Variants in TMC6 observed in about 807,000 individuals in gnomAD.
TMC6 encodes the protein transmembrane channel like 6, also known as transmembrane channel-like protein 6.
TMC6 carries 71 observed loss-of-function variants against 95.4 expected under a neutral mutation model. The ratio of observed to expected loss-of-function variants is 0.74; its 90% confidence interval spans 0.61 to 0.91. The LOEUF is 0.91. Among genes scored for constraint, TMC6 ranks in the 40% least tolerant of loss-of-function variants. TMC6 has a pLI of 0.00. For synonymous variants in TMC6, 514 were observed against 483.1 expected, an observed-to-expected ratio of 1.06 and a Z score of -0.84; for missense variants, 1,074 against 1,079.1, an observed-to-expected ratio of 1.00 and a Z score of 0.07.
chr17:78,129,126 C>G (rs545663751), upstream of TMC6, among the ~76,000 whole-genome samples: 12,333 of 151,230 alleles, frequency 0.082, 561 homozygotes, highest in Middle Eastern at 0.13. This position sits in a 1 kb window ranked among gnomAD's most constrained non-coding sequence, Gnocchi z 4.3. Flanking sequence ...GCCCCCCCCC[C>G]CGCCGCCCCC....
chr17:78,124,297 G>A (rs2074583342), intron 8 of TMC6, 118 bp from the exon 9 acceptor site: 4 of 1,421,380 alleles, frequency 2.8e-6, no homozygotes, highest in Non-Finnish European at 3.8e-6. Flanking sequence ...GAGGGAAACA[G>A]GGAGGGGCCT....
chr17:78,131,403 C>G, upstream of TMC6: 2 of 777,854 alleles, frequency 2.6e-6, no homozygotes, highest in African/African-American at 1.7e-5. Flanking sequence ...GCGGCAGACC[C>G]GGGCAAGTGA....
At chr17:78,124,399 G>C in intron 8 of TMC6, 125 bp downstream of exon 8, 1 of 1,489,770 alleles carries the variant, frequency 6.7e-7, no homozygotes, top group Non-Finnish European at 9.1e-7. Flanking sequence ...AGCTGGCTGT[G>C]GCCACCTGGA....
At position 78,122,994 on chromosome 17, in the gene TMC6, T is replaced by C; in HGVS notation, c.1083-245A>G. The C allele has an allele frequency of 1.7e-6, 1 of 594,950 alleles. No individual in the cohort carries two copies. The highest frequency in any genetic ancestry group is 1.9e-5 in the South Asian group (1 of 51,530). 36.9% of individuals were successfully genotyped at this position (594,950 alleles called of 1,614,324 possible). Reference sequence around the variant, plus strand: ...GGGCAGGGCTGCATTCACCGCGGACTTGGCTGGCTGCCTCCCAGCGAGACA... The same window carrying C: ...GGGCAGGGCTGCATTCACCGCGGACCTGGCTGGCTGCCTCCCAGCGAGACA... On this transcript the variant is annotated intron_variant, in intron 9 of 19. Transcript: ENST00000590602. The surrounding 1 kb of genome is among the most constrained non-coding windows in gnomAD (Gnocchi z 4.9).
At chr17:78,116,938 G>C (rs1023422818) in intron 18 of TMC6, among the ~76,000 whole-genome samples, 5 of 152,186 alleles carry the variant, frequency 3.3e-5, no homozygotes, top group African/African-American at 7.2e-5. Flanking sequence ...TGTAAAATGA[G>C]TGAAGAGTCC....
In TMC6 at chr17:78,122,617, G is replaced by A. The variant is rs926107375; in HGVS notation, c.1215C>T (p.Arg405=). 1.2e-6 allele frequency: 2 copies of A among 1,610,944 alleles called. No homozygotes were observed. Among genetic ancestry groups the A allele is most frequent in the African/African-American group, 1.3e-5 (1 of 75,056 alleles). The stretch of plus-strand genomic sequence containing the variant: ...CGGGGCCACTCACCTTCAGCCGGGT[G>A]CGAATATTGTCCTGCTGGAGGCGGG... The part of the protein sequence containing the change: ...RASRLQQDNI[R]TRLKELLAEW... Residue 405 remains arginine (R), a synonymous_variant, in exon 10 of 20, where the codon CGC becomes CGT. Coordinates refer to ENST00000590602, the MANE Select transcript of TMC6 (RefSeq NM_001127198.5). This position sits in a 1 kb window ranked among gnomAD's most constrained non-coding sequence, Gnocchi z 4.9.
At position 78,121,670 on chromosome 17, in the gene TMC6, G is replaced by A. The variant is rs768939571; in HGVS notation, c.1269C>T (p.Ser423=). The change falls in exon 11 of 20, where the codon AGC becomes AGT. Residue 423 remains serine, a synonymous_variant. Transcript: ENST00000590602. The surrounding 1 kb of genome is among the most constrained non-coding windows in gnomAD (Gnocchi z 5.6). ...CCGCCTGCCGCAGCCTCCCGCACAC[G>A]CTCCTGGGGCTGTGCCGCAGCTGCC... is the stretch of plus-strand genomic sequence containing the variant. ...AEWQLRHSPR[S]VCGRLRQAAV... is the part of the protein sequence containing the mutation. 1.2e-5 allele frequency: 19 copies of A among 1,596,144 alleles called. No homozygotes were observed. Among genetic ancestry groups the A allele is most frequent in the Middle Eastern group, 1.6e-4 (1 of 6,068 alleles).
chr17:78,121,267 C>T lies in TMC6; in HGVS notation c.1384-103G>A. On this transcript the variant is annotated intron_variant, in intron 11 of 19. Coordinates refer to ENST00000590602, the MANE Select transcript of TMC6 (RefSeq NM_001127198.5). The surrounding 1 kb of genome is among the most constrained non-coding windows in gnomAD (Gnocchi z 5.6). ...GGTGGAACTGGCAGGTAGCACCTCC[C>T]TCCTCCAAGATCTGGCCCTCCCCAG... 2.6e-6 allele frequency: 4 copies of T among 1,512,914 alleles called. No homozygotes were observed. Among genetic ancestry groups the T allele is most frequent in the African/African-American group, 1.4e-5 (1 of 72,574 alleles). 93.7% of individuals were successfully genotyped at this position (1,512,914 alleles called of 1,614,324 possible). A position where few individuals can be genotyped will look rare whatever the true frequency, so the allele number is the denominator to read the frequency against.
Position 78,110,488 on chromosome 17 carries a change from C to T in TMC6, c.*2660G>A, listed in dbSNP as rs2073803917. On this transcript the variant is annotated 3_prime_UTR_variant, in exon 20 of 20. Transcript: ENST00000590602. ...CTCTGAAAAAGCAAATAAACCGAAACTCTTGGGCTCAAGCAATCCTCCGCC... is the reference window on the plus strand; with the variant it reads ...CTCTGAAAAAGCAAATAAACCGAAATTCTTGGGCTCAAGCAATCCTCCGCC... 6.6e-6 allele frequency: 1 copy of T among 152,168 alleles called. No homozygotes were observed. Among genetic ancestry groups the T allele is most frequent in the Non-Finnish European group, 1.5e-5 (1 of 68,046 alleles). 9.4% of individuals were successfully genotyped at this position (152,168 alleles called of 1,614,324 possible).
Position 78,117,453 on chromosome 17 carries a change from A to C in TMC6, c.2198+15T>G, listed in dbSNP as rs1352625483. 1.9e-6 allele frequency: 3 copies of C among 1,609,994 alleles called. No homozygotes were observed. The highest frequency in any genetic ancestry group is 2.5e-6 in the Non-Finnish European group (3 of 1,179,182). On this transcript the variant is annotated intron_variant, in intron 17 of 19. Coordinates refer to ENST00000590602, the MANE Select transcript of TMC6 (RefSeq NM_001127198.5). ...GGGCCATCTCCCCAGGGCCGCCCCCACCTGCGGGACTCACAGCAGCAGGGC... is the reference window on the plus strand; with the variant it reads ...GGGCCATCTCCCCAGGGCCGCCCCCCCCTGCGGGACTCACAGCAGCAGGGC...
chr17:78,109,297 G>C lies in TMC6; in HGVS notation c.*3851C>G, dbSNP rs1295889185. On this transcript the variant is annotated 3_prime_UTR_variant, in exon 20 of 20. Coordinates refer to ENST00000590602, the MANE Select transcript of TMC6 (RefSeq NM_001127198.5). ...GTGTTCAGTGAAGAGGGAAAACAGA[G>C]ACAGTGGGGCATCCCGAGAAGATCC... is the stretch of plus-strand genomic sequence containing the variant. 2.7e-6 allele frequency: 1 copy of C among 367,378 alleles called. No individual in the cohort carries two copies. Among genetic ancestry groups the C allele is most frequent in the African/African-American group, 2.1e-5 (1 of 47,026 alleles). The allele number at this position is 367,378 out of a possible 1,614,324, so 22.8% of individuals were successfully genotyped here.
chr17:78,129,203 C>T (rs2074896281), upstream of TMC6, among the ~76,000 whole-genome samples: 1 of 151,948 alleles, frequency 6.6e-6, no homozygotes, highest in Admixed American at 6.6e-5. The surrounding 1 kb of genome is among the most constrained non-coding windows in gnomAD (Gnocchi z 4.3). Context: ...CTCCTGACAC[C>T]TGGGCGGGGT....
chr17:78,114,698 A>G (rs979639994), intron 18 of TMC6, among the ~76,000 whole-genome samples: 1 of 151,972 alleles, frequency 6.6e-6, no homozygotes, highest in African/African-American at 2.4e-5. Context: ...ACCACTTAGA[A>G]TACCTTCAAG....
Position 78,120,768 on chromosome 17 carries a change from C to T in TMC6, c.1600G>A (p.Gly534Ser). Residue 534 changes from glycine (G) to serine (S), a missense_variant, in exon 13 of 20, where the codon GGC becomes AGC. Coordinates refer to ENST00000590602, the MANE Select transcript of TMC6 (RefSeq NM_001127198.5). ...LCYHWLGRRVGVLQGQCWEDF... is the reference protein window; with the variant it reads ...LCYHWLGRRVSVLQGQCWEDF... ...TCCCAGCACTGGCCCTGCAGGACGC[C>T]CACCCTGCGGCCCAGCCAGTGGTAG... The T allele has an allele frequency of 6.2e-7, 1 of 1,613,438 alleles. No individual in the cohort carries two copies. Among genetic ancestry groups the T allele is most frequent in the Non-Finnish European group, 8.5e-7 (1 of 1,179,906 alleles).
rs1276090870 is a variant in TMC6, at chr17:78,108,745, G to C, written c.*4403C>G. The C allele has an allele frequency of 6.5e-6, 1 of 153,394 alleles. No individual in the cohort carries two copies. The highest frequency in any genetic ancestry group is 1.5e-5 in the Non-Finnish European group (1 of 68,150). The allele number at this position is 153,394 out of a possible 1,614,324, so 9.5% of individuals were successfully genotyped here. On this transcript the variant is annotated 3_prime_UTR_variant, in exon 20 of 20. Coordinates refer to ENST00000590602, the MANE Select transcript of TMC6 (RefSeq NM_001127198.5). ...CCACCCATGGGTGAAAAAGAGGCTT[G>C]AGGAAGACAACAGGTTCTTCACCTG...
At chr17:78,117,972 A>AC in intron 15 of TMC6, 37 bp from the exon 16 acceptor site, 1 of 1,572,088 alleles carries the variant, frequency 6.4e-7, no homozygotes, top group Non-Finnish European at 8.6e-7. Context: ...CCATCCTGCT[A>AC]CCCCTCAGCA....
At position 78,109,668 on chromosome 17, in the gene TMC6, CG is replaced by C. The variant is rs1285662307; in HGVS notation, c.*3479del. On this transcript the variant is annotated 3_prime_UTR_variant, in exon 20 of 20. Transcript: ENST00000590602. Reference sequence around the variant, plus strand: ...ACATTTCCGAAGCCCCCCAAGCCCACGGGCGTGAGTGCATGCATGCGTTTGT... The same window carrying C: ...ACATTTCCGAAGCCCCCCAAGCCCACGGCGTGAGTGCATGCATGCGTTTGT... 202 of 419,128 alleles carry C rather than the reference CG, an allele frequency of 4.8e-4. 2 individuals are homozygous for C. Among genetic ancestry groups the C allele is most frequent in the South Asian group, 1.1e-3 (62 of 56,496 alleles). The allele number at this position is 419,128 out of a possible 1,614,324, so 26.0% of individuals were successfully genotyped here.
chr17:78,121,606 C>A lies in TMC6; in HGVS notation c.1333G>T (p.Ala445Ser). The A allele has an allele frequency of 1.2e-6, 2 of 1,611,288 alleles. No homozygotes were observed. The highest frequency in any genetic ancestry group is 1.7e-6 in the Non-Finnish European group (2 of 1,179,594). ...TGGACGGCCACGGCGCAGCCCAGCG[C>A]GGTCCCCAGACACAGCAGCCACACA... ...GLVWLLCLGT[A>S]LGCAVAVHVF... Residue 445 changes from alanine (A) to serine (S), a missense_variant, in exon 11 of 20, where the codon GCG (alanine) becomes TCG (serine). Physicochemically the swap from Ala to Ser is moderately conservative, Grantham distance 99. Coordinates refer to ENST00000590602, the MANE Select transcript of TMC6 (RefSeq NM_001127198.5). This position sits in a 1 kb window ranked among gnomAD's most constrained non-coding sequence, Gnocchi z 5.6.
intron 18 of TMC6, among the ~76,000 whole-genome samples, chr17:78,115,468 G>A (rs2074021531): frequency 6.6e-6 from 1 of 152,204 alleles, no homozygotes; most frequent in Non-Finnish European, 1.5e-5. Context: ...ACGCAAGCCT[G>A]GAAAAGCCAC....
Sources: allele counts gnomAD v4.1 joint callset (sites outside exome capture counted in the v4.1 genomes callset), GRCh38; gene constraint gnomAD v4.1.1; non-coding constraint Gnocchi (gnomAD v3.1); transcripts MANE v1.5; gene names NCBI Gene and HGNC (gene_info 2026-07-23, HGNC 2026-07-21).